MRTFA: variants seen among roughly 807,000 people sequenced by gnomAD.
MRTFA encodes the protein myocardin-related transcription factor A.
A neutral mutation model predicts 83.5 loss-of-function variants in MRTFA; 20 were observed. That is an observed-to-expected ratio of 0.24 (90% CI 0.17 to 0.35). The LOEUF (loss-of-function observed/expected upper bound fraction) is 0.35. Ranked by LOEUF, MRTFA falls within the 10% of genes least tolerant of loss-of-function variation. The pLI is 1.00. For missense variants in MRTFA, 1,200 were observed against 1,224.7 expected, an observed-to-expected ratio of 0.98 and a Z score of 0.30; for synonymous variants, 659 against 541.2, an observed-to-expected ratio of 1.22 and a Z score of -3.02.
chr22:40,474,544 T>C (rs1003565511), intron 3 of MRTFA, among the ~76,000 whole-genome samples: 1 of 152,212 alleles, frequency 6.6e-6, no homozygotes, highest in Non-Finnish European at 1.5e-5. Flanking sequence ...TCAGCACATA[T>C]ACTTACCTCA....
chr22:40,446,186 G>A (rs185590263), intron 4 of MRTFA, among the ~76,000 whole-genome samples: 8 of 152,314 alleles, frequency 5.3e-5, no homozygotes, highest in African/African-American at 2.4e-5. Flanking sequence ...TTGATGCCAC[G>A]TGAAAATCCT....
At chr22:40,549,442 A>C (rs1205427138) in intron 3 of MRTFA, among the ~76,000 whole-genome samples, 1 of 152,224 alleles carries the variant, frequency 6.6e-6, no homozygotes, top group Non-Finnish European at 1.5e-5. Context: ...AACAAATTTC[A>C]AAAACAAAAA....
chr22:40,478,421 G>A (rs573637206), intron 3 of MRTFA, among the ~76,000 whole-genome samples: 9 of 152,132 alleles, frequency 5.9e-5, no homozygotes, highest in Admixed American at 3.3e-4. Context: ...GGAACTCTCC[G>A]TACTATCTTT....
chr22:40,420,668 G>C (rs1003905763), intron 10 of MRTFA, 92 bp from the exon 11 acceptor site: 3 of 1,555,686 alleles, frequency 1.9e-6, no homozygotes, highest in African/African-American at 2.7e-5. Context: ...ATTGGGTACA[G>C]ATGGGCATGG....
At chr22:40,419,650 C>A (rs1017016065) in intron 11 of MRTFA, among the ~76,000 whole-genome samples, 1 of 152,192 alleles carries the variant, frequency 6.6e-6, no homozygotes, top group Non-Finnish European at 1.5e-5. Context: ...ACAGCTGTCC[C>A]CAGCCCCCAG....
At chr22:40,636,037 G>A (rs963774088) in intron 1 of MRTFA, among the ~76,000 whole-genome samples, 2 of 152,312 alleles carry the variant, frequency 1.3e-5, no homozygotes, top group South Asian at 2.1e-4. Context: ...TGCTATACTG[G>A]CACCAACAAG....
chr22:40,481,120 C>G (rs1262632764), intron 3 of MRTFA, among the ~76,000 whole-genome samples: 2 of 151,980 alleles, frequency 1.3e-5, no homozygotes, highest in Non-Finnish European at 2.9e-5. Flanking sequence ...AAAATAACAA[C>G]AAATACTAAA....
chr22:40,491,328 G>A (rs910297058), intron 3 of MRTFA, among the ~76,000 whole-genome samples: 1 of 152,052 alleles, frequency 6.6e-6, no homozygotes, highest in African/African-American at 2.4e-5. Context: ...GGCCACAGGA[G>A]TGAAAACCTG....
intron 5 of MRTFA, among the ~76,000 whole-genome samples, chr22:40,434,637 G>T (rs754410565): frequency 6.6e-6 from 1 of 152,152 alleles, no homozygotes; most frequent in Non-Finnish European, 1.5e-5. Flanking sequence ...CAGGAGAATC[G>T]CTTGAATCTG....
intron 3 of MRTFA, among the ~76,000 whole-genome samples, chr22:40,539,000 T>G (rs1482272014): frequency 3.5e-5 from 5 of 144,866 alleles, no homozygotes; most frequent in African/African-American, 1.0e-4. Context: ...GTTTTTTTTT[T>G]TTTTTTTTTT....
chr22:40,520,682 T>C (rs1036146452), intron 3 of MRTFA, among the ~76,000 whole-genome samples: 2 of 152,206 alleles, frequency 1.3e-5, no homozygotes, highest in Non-Finnish European at 2.9e-5. Flanking sequence ...ACTGGGATTA[T>C]AGGCATAAGC....
chr22:40,630,922 G>T (rs190168968), intron 1 of MRTFA, among the ~76,000 whole-genome samples: 153 of 152,266 alleles, frequency 1.0e-3, no homozygotes, highest in African/African-American at 3.6e-3. Flanking sequence ...CAGCCACACA[G>T]GTTCTCATTC....
intron 3 of MRTFA, among the ~76,000 whole-genome samples, chr22:40,504,013 A>G (rs567555553): frequency 6.6e-6 from 1 of 152,256 alleles, no homozygotes. Flanking sequence ...TTAAATTTAT[A>G]TAAAATTAAT....
chr22:40,455,111 T>C (rs1017909149), intron 4 of MRTFA, among the ~76,000 whole-genome samples: 1 of 152,180 alleles, frequency 6.6e-6, no homozygotes, highest in Non-Finnish European at 1.5e-5. Context: ...AAAACTCCAC[T>C]TTCTAATACA....
chr22:40,443,381 T>C (rs2053316581), intron 4 of MRTFA, among the ~76,000 whole-genome samples: 2 of 152,104 alleles, frequency 1.3e-5, no homozygotes, highest in African/African-American at 2.4e-5. Flanking sequence ...ACATTCTATA[T>C]GAAACAAGCA....
chr22:40,441,551 G>A (rs371777994), intron 4 of MRTFA, among the ~76,000 whole-genome samples: 6 of 152,266 alleles, frequency 3.9e-5, no homozygotes, highest in South Asian at 4.1e-4. Context: ...TTGGGAGGCC[G>A]AGGCAGGTGG....
At chr22:40,588,385 C>T (rs1709314167) in intron 2 of MRTFA, among the ~76,000 whole-genome samples, 1 of 152,140 alleles carries the variant, frequency 6.6e-6, no homozygotes, top group Non-Finnish European at 1.5e-5. Flanking sequence ...AAGTATTTAG[C>T]TTAATTTCAC....
In MRTFA at chr22:40,410,712, G is replaced by A. The variant is rs540109746; in HGVS notation, c.*678C>T. 19 of 233,176 alleles carry A rather than the reference G, an allele frequency of 8.1e-5. No homozygotes were observed. The highest frequency in any genetic ancestry group is 3.7e-4 in the African/African-American group (17 of 45,400). The allele number at this position is 233,176 out of a possible 1,614,324, so 14.4% of individuals were successfully genotyped here. A position where few individuals can be genotyped will look rare whatever the true frequency, so the allele number is the denominator to read the frequency against. On this transcript the variant is annotated 3_prime_UTR_variant, in exon 15 of 15. Coordinates refer to ENST00000355630, the MANE Select transcript of MRTFA (RefSeq NM_020831.6). ...CCAGACTGTGGCACACAGCTCAAGGGTAACCTTGCATCCAGGCCCTTCTGT... is the reference window on the plus strand; with the variant it reads ...CCAGACTGTGGCACACAGCTCAAGGATAACCTTGCATCCAGGCCCTTCTGT...
intron 4 of MRTFA, among the ~76,000 whole-genome samples, chr22:40,460,192 T>G (rs2053685855): frequency 6.6e-6 from 1 of 152,154 alleles, no homozygotes; most frequent in African/African-American, 2.4e-5. Context: ...CCCAAAGTGC[T>G]GGGATTATAG....
Sources: allele counts gnomAD v4.1 joint callset (sites outside exome capture counted in the v4.1 genomes callset), GRCh38; gene constraint gnomAD v4.1.1; transcripts MANE v1.5; gene names NCBI Gene and HGNC (gene_info 2026-07-23, HGNC 2026-07-21).